Variants in ARL15 observed in about 807,000 individuals in gnomAD.
ARL15 encodes ADP-ribosylation factor-like protein 15.
Under a neutral mutation model 25.2 loss-of-function variants are expected in ARL15, and 19 were observed. That is an observed-to-expected ratio of 0.75 (90% CI 0.53 to 1.10). ARL15 has a LOEUF of 1.10. Ranked by LOEUF, ARL15 falls within the 50% of genes least tolerant of loss-of-function variation. The pLI is 0.00. For synonymous variants in ARL15, 94 were observed against 86.8 expected (o/e 1.08, Z -0.46); for missense variants, 220 against 246.0 (o/e 0.89, Z 0.71).
rs1210469045 is a variant in ARL15 at position 54,220,356 on chromosome 5, A to G, written c.49-48428T>C. 2.0e-5 allele frequency among the ~76,000 whole-genome samples: 3 copies of G among 152,154 alleles called. 1 individual carries two copies. The highest frequency in any genetic ancestry group is 7.2e-5 in the African/African-American group (3 of 41,432). On this transcript the variant is annotated intron_variant, in intron 1 of 4. Transcript: ENST00000504924. ...TGCTTTTCCTGTGGATGAAAGAAGG[A>G]AAAATAGAAACTTCTAAAGAGATAT...
At chr5:54,056,947 C>A (rs1274266690) in intron 4 of ARL15, among the ~76,000 whole-genome samples, 1 of 151,800 alleles carries the variant, frequency 6.6e-6, no homozygotes, top group Non-Finnish European at 1.5e-5. Context: ...GTGTCATGAA[C>A]ACAAACATAT....
intron 4 of ARL15, among the ~76,000 whole-genome samples, chr5:54,108,613 G>T (rs1752652691): frequency 6.6e-6 from 1 of 152,002 alleles, no homozygotes; most frequent in Non-Finnish European, 1.5e-5. Flanking sequence ...AGTCAGAGAA[G>T]ATACTCAGTA....
intron 4 of ARL15, among the ~76,000 whole-genome samples, chr5:54,084,156 C>G (rs1012256152): frequency 6.6e-6 from 1 of 152,116 alleles, no homozygotes. Context: ...CACTGCAGGC[C>G]GTTGGAGTGC....
At chr5:54,074,842 T>C (rs2112086072) in intron 4 of ARL15, among the ~76,000 whole-genome samples, 1 of 151,738 alleles carries the variant, frequency 6.6e-6, no homozygotes, top group Middle Eastern at 3.4e-3. Context: ...GGTAAAAGAG[T>C]AAAAAGAATT....
rs1480280868 is a variant in ARL15 at position 54,023,960 on chromosome 5, A to C, written c.462+89242T>G. On this transcript the variant is annotated intron_variant, in intron 4 of 4. Transcript: ENST00000504924. Reference sequence around the variant, plus strand: ...TGAATTCCCCTAAAAATCATTTACTACTCTCCTAAAATCATCCCTACTTCC... The same window carrying C: ...TGAATTCCCCTAAAAATCATTTACTCCTCTCCTAAAATCATCCCTACTTCC... 3.9e-5 allele frequency among the ~76,000 whole-genome samples: 6 copies of C among 151,936 alleles called. 1 individual carries two copies. The East Asian group carries it at 9.7e-4, about 25-fold the overall frequency.
At chr5:54,105,161 G>A (rs1206496864) in intron 4 of ARL15, among the ~76,000 whole-genome samples, 1 of 151,828 alleles carries the variant, frequency 6.6e-6, no homozygotes. Flanking sequence ...CTCGACAAAT[G>A]TTTTATTAAC....
chr5:54,142,518 T>C (rs1753805057), intron 3 of ARL15, among the ~76,000 whole-genome samples: 1 of 151,972 alleles, frequency 6.6e-6, no homozygotes, highest in South Asian at 2.1e-4. Context: ...GCCACGAGGG[T>C]TGATCAGTGA....
chr5:54,113,133 C>A, intron 4 of ARL15, 69 bp downstream of exon 4: 1 of 1,482,758 alleles, frequency 6.7e-7, no homozygotes, highest in Non-Finnish European at 9.2e-7. Context: ...ATGCATTTTT[C>A]CAGGTTCCAA....
chr5:53,995,397 T>C (rs1748637526), intron 4 of ARL15, among the ~76,000 whole-genome samples: 1 of 146,206 alleles, frequency 6.8e-6, no homozygotes, highest in Admixed American at 6.9e-5. Flanking sequence ...TTTATAAACA[T>C]TTGTCTACAT....
rs114247611 is a variant in ARL15 at position 54,004,006 on chromosome 5, C to T, written c.462+109196G>A. On this transcript the variant is annotated intron_variant, in intron 4 of 4. Coordinates refer to ENST00000504924, the MANE Select transcript of ARL15 (RefSeq NM_019087.3). Reference sequence around the variant, plus strand: ...CTCTCCATCTTTTCTGATAGTCTCTCACTAACTCCACCTTAAAATCTCACA... The same window carrying T: ...CTCTCCATCTTTTCTGATAGTCTCTTACTAACTCCACCTTAAAATCTCACA... Among the ~76,000 whole-genome samples the T allele has an allele frequency of 4.1e-3, 619 of 152,294 alleles. 4 individuals carry two copies. Among genetic ancestry groups the T allele is most frequent in the African/African-American group, 0.014 (597 of 41,560 alleles).
intron 4 of ARL15, among the ~76,000 whole-genome samples, chr5:54,095,243 G>C: frequency 6.6e-6 from 1 of 152,226 alleles, no homozygotes; most frequent in East Asian, 1.9e-4. Flanking sequence ...ACTATCTAAT[G>C]ACAAGGCCGC....
intron 4 of ARL15, among the ~76,000 whole-genome samples, chr5:53,890,032 C>T (rs1032547223): frequency 2.0e-5 from 3 of 152,040 alleles, no homozygotes; most frequent in Non-Finnish European, 2.9e-5. Flanking sequence ...AGGCTGGTCT[C>T]GAACTCTGAC....
intron 4 of ARL15, among the ~76,000 whole-genome samples, chr5:53,898,232 T>G (rs920289433): frequency 1.3e-5 from 2 of 152,172 alleles, no homozygotes; most frequent in African/African-American, 4.8e-5. Context: ...ATATATTGGT[T>G]GAGAGATTTT....
chr5:53,943,121 G>A (rs953223686), intron 4 of ARL15, among the ~76,000 whole-genome samples: 5 of 152,116 alleles, frequency 3.3e-5, no homozygotes, highest in African/African-American at 9.7e-5. Context: ...GGGAGTGGGC[G>A]GGGGTGTTGG....
chr5:54,086,763 T>C (rs1424783337), intron 4 of ARL15, among the ~76,000 whole-genome samples: 1 of 152,164 alleles, frequency 6.6e-6, no homozygotes. Context: ...AGCCTAATGA[T>C]ACGTACAATG....
intron 1 of ARL15, among the ~76,000 whole-genome samples, chr5:54,242,768 C>A (rs1756993276): frequency 6.6e-6 from 1 of 152,076 alleles, no homozygotes; most frequent in African/African-American, 2.4e-5. Context: ...TACAGAACTG[C>A]CTAAAGTTGC....
chr5:54,074,099 G>T lies in ARL15; in HGVS notation c.462+39103C>A, dbSNP rs373287926. 2.6e-5 allele frequency among the ~76,000 whole-genome samples: 4 copies of T among 152,240 alleles called. No individual in the cohort carries two copies. In the East Asian group the frequency reaches 5.8e-4, roughly 22 times the overall value. On this transcript the variant is annotated intron_variant, in intron 4 of 4. Transcript: ENST00000504924. ...AGTCTTTCTTCTAGCTCACCCATTT[G>T]GTAATTTTACTGTTGACTAGCATCT...
rs3776670 is a variant in ARL15, at chr5:54,091,249, C to T, written c.462+21953G>A. Among the ~76,000 whole-genome samples, 277 of 152,146 alleles carry T rather than the reference C, an allele frequency of 1.8e-3. 17 individuals carry two copies. In the East Asian group the frequency reaches 0.047, roughly 26 times the overall value. On this transcript the variant is annotated intron_variant, in intron 4 of 4. Coordinates refer to ENST00000504924, the MANE Select transcript of ARL15 (RefSeq NM_019087.3). The stretch of plus-strand genomic sequence containing the variant: ...AAACGCAATTAAAGTGTCAACACTC[C>T]CAAGACCAGCCAAACAACCTTTTGG...
intron 1 of ARL15, among the ~76,000 whole-genome samples, chr5:54,259,049 T>C (rs2112617590): frequency 6.6e-6 from 1 of 152,314 alleles, no homozygotes; most frequent in South Asian, 2.1e-4. Flanking sequence ...CAAGCTATCC[T>C]CTTGGCTCTC....
Sources: gnomAD v4.1 joint callset for allele counts (sites outside exome capture counted in the v4.1 genomes callset) on GRCh38, gnomAD v4.1.1 for gene constraint, MANE v1.5 for transcripts, NCBI Gene and HGNC (gene_info 2026-07-23, HGNC 2026-07-21) for gene names.